Variants in SLC24A3 observed in about 807,000 individuals in gnomAD.
SLC24A3 encodes the protein sodium/potassium/calcium exchanger 3.
SLC24A3 carries 28 observed loss-of-function variants against 75.8 expected under a neutral mutation model. The observed-to-expected ratio is 0.37, with a 90% CI of 0.27 to 0.51. The LOEUF is 0.51. Ranked by LOEUF, SLC24A3 falls within the 20% of genes least tolerant of loss-of-function variation. SLC24A3 has a pLI of 0.94. For missense variants in SLC24A3, 663 were observed against 847.8 expected (o/e 0.78, Z 2.71); for synonymous variants, 372 against 334.1 (o/e 1.11, Z -1.24).
chr20:19,303,372 T>C (rs770911820), intron 2 of SLC24A3, among the ~76,000 whole-genome samples: 11 of 152,234 alleles, frequency 7.2e-5, no homozygotes, highest in Admixed American at 2.6e-4. Flanking sequence ...TGGTATTCCA[T>C]AGTGTATATG....
At chr20:19,570,876 C>T (rs1013460214) in intron 3 of SLC24A3, among the ~76,000 whole-genome samples, 7 of 152,210 alleles carry the variant, frequency 4.6e-5, no homozygotes, top group East Asian at 1.9e-4. Flanking sequence ...AGCAAACTCA[C>T]GAATTCTTTT....
intron 1 of SLC24A3, among the ~76,000 whole-genome samples, chr20:19,223,687 A>G (rs1981791880): frequency 6.6e-6 from 1 of 151,458 alleles, no homozygotes; most frequent in East Asian, 1.9e-4. Flanking sequence ...CTTCTCTCTC[A>G]AAATATCTTC....
At chr20:19,488,056 C>T (rs529769821) in intron 2 of SLC24A3, among the ~76,000 whole-genome samples, 1 of 152,354 alleles carries the variant, frequency 6.6e-6, no homozygotes, top group Admixed American at 6.5e-5. Flanking sequence ...TTATGGACCT[C>T]CTTCCCCAGA....
chr20:19,385,970 T>A (rs1986265655), intron 2 of SLC24A3, among the ~76,000 whole-genome samples: 1 of 152,186 alleles, frequency 6.6e-6, no homozygotes, highest in African/African-American at 2.4e-5. Context: ...CCATTGGAAT[T>A]TTGATAGGGA....
At chr20:19,611,612 G>A (rs1261496731) in intron 6 of SLC24A3, among the ~76,000 whole-genome samples, 1 of 152,164 alleles carries the variant, frequency 6.6e-6, no homozygotes, top group Non-Finnish European at 1.5e-5. Flanking sequence ...TCCTTCATCT[G>A]CCCTTCCACT....
At chr20:19,475,128 G>A (rs199974126) in intron 2 of SLC24A3, among the ~76,000 whole-genome samples, 1 of 152,096 alleles carries the variant, frequency 6.6e-6, no homozygotes, top group Non-Finnish European at 1.5e-5. Flanking sequence ...CACAAGGTCA[G>A]GAGATCGAAA....
intron 4 of SLC24A3, 55 bp from the exon 5 acceptor site, chr20:19,584,916 T>C: frequency 6.5e-7 from 1 of 1,537,496 alleles, no homozygotes; most frequent in Non-Finnish European, 8.9e-7. Context: ...CACAGTCACC[T>C]CTCTTCCGAG....
At chr20:19,633,523 C>T (rs1295587155) in intron 6 of SLC24A3, among the ~76,000 whole-genome samples, 1 of 151,220 alleles carries the variant, frequency 6.6e-6, no homozygotes, top group African/African-American at 2.4e-5. Context: ...GTGGCGGGCG[C>T]CTGTAGTCCC....
chr20:19,477,322 T>A (rs1241666928), intron 2 of SLC24A3, among the ~76,000 whole-genome samples: 1 of 152,172 alleles, frequency 6.6e-6, no homozygotes, highest in Non-Finnish European at 1.5e-5. Flanking sequence ...AGATCCTCTG[T>A]TCTGAGCTTG....
intron 9 of SLC24A3, 44 bp from the exon 10 acceptor site, chr20:19,681,814 A>G: frequency 6.2e-7 from 1 of 1,612,788 alleles, no homozygotes; most frequent in Non-Finnish European, 8.5e-7. Context: ...AAATGGGAGA[A>G]TGGAAAACAC....
At position 19,539,216 on chromosome 20, in the gene SLC24A3, G is replaced by A. The variant is rs181389181; in HGVS notation, c.348+23652G>A. Among the ~76,000 whole-genome samples, 809 of 152,226 alleles carry A rather than the reference G, an allele frequency of 5.3e-3. 6 individuals carry two copies. Among genetic ancestry groups the A allele is most frequent in the Middle Eastern group, 0.02 (6 of 294 alleles). ...CATTCAAGGTATTCACTTCTAATAC[G>A]TCCATTCCAATTAGAAGGAAACATA... On this transcript the variant is annotated intron_variant, in intron 3 of 16. Coordinates refer to ENST00000328041, the MANE Select transcript of SLC24A3 (RefSeq NM_020689.4).
chr20:19,579,016 T>C (rs2122630847), intron 3 of SLC24A3, among the ~76,000 whole-genome samples: 1 of 152,302 alleles, frequency 6.6e-6, no homozygotes, highest in Non-Finnish European at 1.5e-5. Flanking sequence ...TAAAAGCCTT[T>C]CCTGCTCTCT....
At chr20:19,363,661 A>T (rs1985833193) in intron 2 of SLC24A3, among the ~76,000 whole-genome samples, 2 of 152,218 alleles carry the variant, frequency 1.3e-5, no homozygotes, top group South Asian at 4.1e-4. Flanking sequence ...GTGGCCAAAG[A>T]ACACACACCC....
chr20:19,691,875 T>G (rs1332456595), intron 12 of SLC24A3, among the ~76,000 whole-genome samples: 1 of 152,026 alleles, frequency 6.6e-6, no homozygotes, highest in Non-Finnish European at 1.5e-5. Flanking sequence ...GAAACTGAGG[T>G]GTAGAGAGTT....
At position 19,698,666 on chromosome 20, in the gene SLC24A3, G is replaced by C; in HGVS notation, c.1705G>C (p.Asp569His). The C allele has an allele frequency of 1.3e-6, 2 of 1,583,256 alleles. No individual in the cohort carries two copies. The highest frequency in any genetic ancestry group is 1.7e-6 in the Non-Finnish European group (2 of 1,162,180). The change falls in exon 15 of 17, where the codon GAT becomes CAT. Residue 569 changes from aspartate to histidine, a missense_variant. Asp to His is a moderately conservative substitution (Grantham distance 81). This residue lies in a region of SLC24A3 where 510 missense variants were observed against 703.6 expected (regional missense o/e 0.72). Transcript: ENST00000328041. ...LPWALQTLAVDYGSYIRLNSR... is the reference protein window; with the variant it reads ...LPWALQTLAVHYGSYIRLNSR... ...CTGGGCTCTGCAGACCCTGGCTGTG[G>C]ATTACGGATCCTACGTAAGTGGTTT...
chr20:19,237,494 CAT>C (rs1333335878), intron 1 of SLC24A3, among the ~76,000 whole-genome samples: 1 of 152,158 alleles, frequency 6.6e-6, no homozygotes, highest in African/African-American at 2.4e-5. Flanking sequence ...CTGTTCCCGT[CAT>C]GTGCTAGCTC....
chr20:19,717,738 T>A, intron 16 of SLC24A3, 145 bp downstream of exon 16: 1 of 843,638 alleles, frequency 1.2e-6, no homozygotes. Flanking sequence ...CTTCTAGAAG[T>A]GAGTCCTAGC....
intron 2 of SLC24A3, among the ~76,000 whole-genome samples, chr20:19,350,196 CT>C (rs963236363): frequency 1.8e-4 from 28 of 152,230 alleles, no homozygotes; most frequent in Middle Eastern, 3.4e-3. Context: ...TGGGAAATAA[CT>C]TTTTTATGTG....
intron 6 of SLC24A3, among the ~76,000 whole-genome samples, chr20:19,597,267 T>C (rs768182700): frequency 3.9e-5 from 6 of 152,026 alleles, no homozygotes; most frequent in Non-Finnish European, 7.4e-5. Flanking sequence ...CACACCTATA[T>C]TCCCCACTAC....
Sources: gnomAD v4.1 joint callset for allele counts (sites outside exome capture counted in the v4.1 genomes callset) on GRCh38, gnomAD v4.1.1 for gene constraint, gnomAD v4.1.1 regional missense constraint, MANE v1.5 for transcripts, NCBI Gene and HGNC (gene_info 2026-07-23, HGNC 2026-07-21) for gene names.